The following GRM1 variants were observed in gnomAD, a reference collection of about 807,000 sequenced individuals.
GRM1 encodes glutamate metabotropic receptor 1.
GRM1 carries 33 observed loss-of-function variants against 90.9 expected under a neutral mutation model. That is an observed-to-expected ratio of 0.36 (90% CI 0.28 to 0.49). The LOEUF is 0.49. Among genes scored for constraint, GRM1 ranks in the 20% least tolerant of loss-of-function variants. The probability of loss-of-function intolerance (pLI) is 0.99; values close to 1 mark genes in which losing one functional copy is unlikely to be tolerated. For synonymous variants in GRM1, 700 were observed against 613.2 expected, an observed-to-expected ratio of 1.14 and a Z score of -2.09; for missense variants, 1,190 against 1,534.3, an observed-to-expected ratio of 0.78 and a Z score of 3.75.
intron 2 of GRM1, among the ~76,000 whole-genome samples, chr6:146,220,305 G>A (rs989128607): frequency 9.9e-5 from 15 of 152,164 alleles, no homozygotes; most frequent in African/African-American, 3.6e-4. Flanking sequence ...TGTATTATCA[G>A]GTCCAATGCC....
intron 2 of GRM1, among the ~76,000 whole-genome samples, chr6:146,290,881 G>A (rs1782954973): frequency 6.6e-6 from 1 of 152,114 alleles, no homozygotes; most frequent in Non-Finnish European, 1.5e-5. Flanking sequence ...AATGGGTTGA[G>A]ACTTTTGGGG....
chr6:146,295,754 C>T (rs1483616351), intron 2 of GRM1, among the ~76,000 whole-genome samples: 1 of 151,970 alleles, frequency 6.6e-6, no homozygotes, highest in Admixed American at 6.6e-5. Flanking sequence ...ACTTTAGGTT[C>T]GAGGGTCATG....
intron 1 of GRM1, among the ~76,000 whole-genome samples, chr6:146,040,550 T>C (rs930663917): frequency 6.6e-6 from 1 of 151,982 alleles, no homozygotes; most frequent in Non-Finnish European, 1.5e-5. Flanking sequence ...GTATTCTCAG[T>C]TGACAATTTC....
In GRM1 at chr6:146,272,467, T is replaced by C. The variant is rs111623528; in HGVS notation, c.951-32144T>C. 7.3e-3 allele frequency among the ~76,000 whole-genome samples: 1,118 copies of C among 152,334 alleles called. 9 individuals are homozygous for C. Among genetic ancestry groups the C allele is most frequent in the Non-Finnish European group, 0.012 (783 of 68,026 alleles). ...TGAGTTTCTCAAAGTCTGTCTTTTA[T>C]AGTGCCTAGAATAGTAGAACTGATA... On this transcript the variant is annotated intron_variant, in intron 2 of 7. Coordinates refer to ENST00000282753, the MANE Select transcript of GRM1 (RefSeq NM_001278064.2).
intron 1 of GRM1, among the ~76,000 whole-genome samples, chr6:146,096,887 C>G (rs1776891641): frequency 6.6e-6 from 1 of 152,012 alleles, no homozygotes; most frequent in South Asian, 2.1e-4. Flanking sequence ...GTACAGGAAA[C>G]AGATGATATT....
rs753282024 is a variant in GRM1 at position 146,159,478 on chromosome 6, C to T, written c.831C>T (p.Leu277=). 27 of 1,614,112 alleles carry T rather than the reference C, an allele frequency of 1.7e-5. No homozygotes were observed. Among genetic ancestry groups the T allele is most frequent in the Non-Finnish European group, 2.3e-5 (27 of 1,180,032 alleles). The change falls in exon 2 of 8, where the codon CTC becomes CTT. Residue 277 remains leucine (L), a synonymous_variant. Coordinates refer to ENST00000282753, the MANE Select transcript of GRM1 (RefSeq NM_001278064.2). ...EKSFDRLLRK[L]RERLPKARVV... ...GCTTTGACCGACTCTTGCGCAAACT[C>T]CGAGAGAGGCTTCCCAAGGCTAGAG...
intron 3 of GRM1, among the ~76,000 whole-genome samples, chr6:146,350,072 C>T (rs1333181705): frequency 6.6e-6 from 1 of 152,190 alleles, no homozygotes; most frequent in East Asian, 1.9e-4. Flanking sequence ...GTTCTATGAT[C>T]ACCCTAAATG....
chr6:146,039,142 C>A (rs1008853501), intron 1 of GRM1, among the ~76,000 whole-genome samples: 2 of 151,944 alleles, frequency 1.3e-5, no homozygotes, highest in African/African-American at 4.8e-5. Flanking sequence ...AAGTTCACCA[C>A]ATGGTGATTA....
intron 2 of GRM1, among the ~76,000 whole-genome samples, chr6:146,243,067 AC>A (rs982651821): frequency 2.0e-5 from 3 of 152,044 alleles, no homozygotes; most frequent in African/African-American, 7.2e-5. Flanking sequence ...GCAGCAACAA[AC>A]CTTTCAGCAA....
chr6:146,332,754 AGCTATTACTCT>A (rs1784627853), intron 3 of GRM1, among the ~76,000 whole-genome samples: 1 of 152,206 alleles, frequency 6.6e-6, no homozygotes, highest in Non-Finnish European at 1.5e-5. Context: ...CCCTGTTAAA[AGCTATTACTCT>A]GCTATCAGTT....
rs1777917830 is a variant in GRM1, at chr6:146,419,695, C to T, written c.2661-14177C>T. Among the ~76,000 whole-genome samples, 3 of 152,248 alleles carry T rather than the reference C, an allele frequency of 2.0e-5. No individual in the cohort carries two copies. In the South Asian group the frequency reaches 6.2e-4, roughly 32 times the overall value. ...GCAGAAGGCGAAGGGAAAGCAAACA[C>T]GTCTTACCATGGCAGAGCAGGAAAG... is the stretch of plus-strand genomic sequence containing the variant. On this transcript the variant is annotated intron_variant, in intron 7 of 7. Transcript: ENST00000282753.
chr6:146,286,958 G>T (rs1782789024), intron 2 of GRM1, among the ~76,000 whole-genome samples: 2 of 152,190 alleles, frequency 1.3e-5, no homozygotes, highest in Non-Finnish European at 2.9e-5. Context: ...TTTTAGAAGT[G>T]TATAAACATT....
At chr6:146,190,518 A>C (rs1403054151) in intron 2 of GRM1, among the ~76,000 whole-genome samples, 3 of 152,192 alleles carry the variant, frequency 2.0e-5, no homozygotes, top group Admixed American at 2.0e-4. Flanking sequence ...GAGTTGGCCA[A>C]CACGAATTCA....
intron 7 of GRM1, among the ~76,000 whole-genome samples, chr6:146,421,299 G>C (rs1235327681): frequency 6.6e-6 from 1 of 152,012 alleles, no homozygotes; most frequent in Admixed American, 6.6e-5. Context: ...TTAAAGTGTG[G>C]TATTTGTTCA....
chr6:146,029,465 C>T lies in GRM1; in HGVS notation c.-53C>T. On this transcript the variant is annotated 5_prime_UTR_variant, in exon 1 of 8. Coordinates refer to ENST00000282753, the MANE Select transcript of GRM1 (RefSeq NM_001278064.2). ...GGGGGTGCGCGCCGGGAGCCTGCAG[C>T]GGGACCAGCGTGGGAACGCGGCTGG... The T allele has an allele frequency of 7.1e-7, 1 of 1,415,252 alleles. No homozygotes were observed. Among genetic ancestry groups the T allele is most frequent in the Non-Finnish European group, 1.0e-6 (1 of 999,260 alleles). 87.7% of individuals were successfully genotyped at this position (1,415,252 alleles called of 1,614,324 possible).
chr6:146,166,085 C>T (rs1448049296), intron 2 of GRM1, among the ~76,000 whole-genome samples: 1 of 152,046 alleles, frequency 6.6e-6, no homozygotes, highest in African/African-American at 2.4e-5. Context: ...TATGATTCAG[C>T]TCATTTTGTC....
At position 146,357,602 on chromosome 6, in the gene GRM1, G is replaced by A. The variant is rs750821948; in HGVS notation, c.1510G>A (p.Val504Met). ...GCACGTTGGAACCTGGCATGAAGGA[G>A]TGCTGAACATTGATGATTACAAAAT... ...YVHVGTWHEG[V>M]LNIDDYKIQM... Residue 504 changes from valine (V) to methionine (M), a missense_variant, in exon 5 of 8, where the codon GTG becomes ATG. By Grantham distance (21) the Val-to-Met change is conservative (BLOSUM62 1). Transcript: ENST00000282753. 3 of 1,613,712 alleles carry A rather than the reference G, an allele frequency of 1.9e-6. No homozygotes were observed. The highest frequency in any genetic ancestry group is 2.2e-5 in the South Asian group (2 of 91,080).
chr6:146,264,073 C>G (rs1315186437), intron 2 of GRM1, among the ~76,000 whole-genome samples: 1 of 152,020 alleles, frequency 6.6e-6, no homozygotes, highest in Non-Finnish European at 1.5e-5. Flanking sequence ...TCTGATAAAT[C>G]AAGGAATTCA....
intron 1 of GRM1, among the ~76,000 whole-genome samples, chr6:146,076,139 T>G (rs935915112): frequency 2.0e-5 from 3 of 152,176 alleles, no homozygotes; most frequent in African/African-American, 7.2e-5. Flanking sequence ...GCATGACTGG[T>G]GTGTTTGAAA....
Sources: allele counts gnomAD v4.1 joint callset (sites outside exome capture counted in the v4.1 genomes callset), GRCh38; gene constraint gnomAD v4.1.1; transcripts MANE v1.5; gene names NCBI Gene and HGNC (gene_info 2026-07-23, HGNC 2026-07-21).